Variants in PTPN3 observed in about 807,000 individuals in gnomAD.
The protein encoded by PTPN3 is protein tyrosine phosphatase non-receptor type 3, also known as tyrosine-protein phosphatase non-receptor type 3.
PTPN3 carries 96 observed loss-of-function variants against 132.7 expected under a neutral mutation model. The observed-to-expected ratio is 0.72, with a 90% CI of 0.61 to 0.86. The LOEUF is 0.86. PTPN3 is among the 40% of genes least tolerant of loss of function. PTPN3 has a pLI of 0.00. For synonymous variants in PTPN3, 398 were observed against 429.0 expected, an observed-to-expected ratio of 0.93 and a Z score of 0.89; for missense variants, 1,125 against 1,159.6, an observed-to-expected ratio of 0.97 and a Z score of 0.43.
At chr9:109,490,519 C>T (rs994753567) in intron 1 of PTPN3, among the ~76,000 whole-genome samples, 18 of 152,176 alleles carry the variant, frequency 1.2e-4, no homozygotes, top group Non-Finnish European at 2.4e-4. Flanking sequence ...GGGCGGATCA[C>T]CTGAGGTCGG....
At chr9:109,451,486 C>T in intron 5 of PTPN3, 1 of 851,952 alleles carries the variant, frequency 1.2e-6, no homozygotes, top group Non-Finnish European at 1.4e-6. Context: ...AAATCTGCCT[C>T]CCTGTAGCCT....
the PTPN3 span, among the ~76,000 whole-genome samples, chr9:109,515,564 C>A: frequency 6.6e-6 from 1 of 152,174 alleles, no homozygotes; most frequent in African/African-American, 2.4e-5. Flanking sequence ...AAAGGAATAC[C>A]TGAGACTGGG....
chr9:109,414,153 A>G (rs1398903353), intron 14 of PTPN3, among the ~76,000 whole-genome samples: 3 of 152,200 alleles, frequency 2.0e-5, no homozygotes, highest in African/African-American at 7.2e-5. Context: ...ACCCGAGGTG[A>G]TTGGGTGAGT....
At chr9:109,414,278 AGGAACCAGCTGGGGTCCTGCTGAAT>A (rs1227384001) in intron 14 of PTPN3, among the ~76,000 whole-genome samples, 1 of 152,252 alleles carries the variant, frequency 6.6e-6, no homozygotes, top group Non-Finnish European at 1.5e-5. Context: ...TGCTGTGCAC[AGGAACCAGCTGGGGTCCTGCTGAAT>A]GCAGAGTATG....
At chr9:109,428,921 T>C in intron 10 of PTPN3, 1 of 985,414 alleles carries the variant, frequency 1.0e-6, no homozygotes, top group Non-Finnish European at 1.2e-6. Context: ...AGCTTTTAAA[T>C]AACAAGAAAC....
chr9:109,392,949 A>G (rs1166097488), intron 19 of PTPN3: 1 of 152,216 alleles, frequency 6.6e-6, no homozygotes, highest in Non-Finnish European at 1.5e-5. Context: ...TAAGTGTCCT[A>G]AAAGAAGATA....
chr9:109,423,003 C>A (rs1239503728), intron 12 of PTPN3, 151 bp from the exon 13 acceptor site: 3 of 946,918 alleles, frequency 3.2e-6, no homozygotes, highest in Non-Finnish European at 4.7e-6. Context: ...AGCTCAAAAG[C>A]GATTCCTGTC....
intron 1 of PTPN3, among the ~76,000 whole-genome samples, chr9:109,476,972 T>C (rs1415079251): frequency 6.6e-6 from 1 of 152,202 alleles, no homozygotes; most frequent in Non-Finnish European, 1.5e-5. Flanking sequence ...CTGATTGATT[T>C]TGACTGGGCC....
chr9:109,431,958 C>G (rs1378829174), intron 10 of PTPN3, among the ~76,000 whole-genome samples: 1 of 151,372 alleles, frequency 6.6e-6, no homozygotes, highest in Non-Finnish European at 1.5e-5. Context: ...AGGACTTGGA[C>G]ACAGTAAGCA....
the PTPN3 span, among the ~76,000 whole-genome samples, chr9:109,528,590 C>G: frequency 1.3e-5 from 2 of 152,082 alleles, no homozygotes; most frequent in South Asian, 2.1e-4. Context: ...GGGAAAGAAG[C>G]CTTTGGGAGG....
chr9:109,405,246 G>A (rs1841468672), intron 18 of PTPN3, among the ~76,000 whole-genome samples: 1 of 152,194 alleles, frequency 6.6e-6, no homozygotes. Context: ...ACCTTGCACA[G>A]GTGGGGAACC....
intron 22 of PTPN3, 70 bp downstream of exon 22, chr9:109,389,163 G>T (rs575459630): frequency 1.3e-6 from 2 of 1,565,388 alleles, no homozygotes; most frequent in African/African-American, 1.4e-5. Flanking sequence ...CCTTCTCAGC[G>T]CTGAGATTCA....
intron 5 of PTPN3, 47 bp from the exon 6 acceptor site, chr9:109,448,902 CAA>C (rs35966698): frequency 0.02 from 24,776 of 1,227,422 alleles, no homozygotes; most frequent in East Asian, 0.047. Context: ...CTGAAATAAG[CAA>C]AAAAAAAAAA....
intron 4 of PTPN3, among the ~76,000 whole-genome samples, chr9:109,456,811 A>C (rs936544760): frequency 6.7e-6 from 1 of 149,090 alleles, no homozygotes; most frequent in Non-Finnish European, 1.5e-5. Context: ...GGAAAGTATG[A>C]GGTGTTTGTG....
chr9:109,495,756 G>A (rs892321335), intron 1 of PTPN3, among the ~76,000 whole-genome samples: 4 of 152,218 alleles, frequency 2.6e-5, no homozygotes, highest in Admixed American at 2.0e-4. Context: ...GAATGAGAAT[G>A]CTTAAAACTA....
intron 14 of PTPN3, among the ~76,000 whole-genome samples, chr9:109,418,779 T>C (rs780321157): frequency 5.9e-5 from 9 of 152,190 alleles, no homozygotes; most frequent in Non-Finnish European, 1.0e-4. Flanking sequence ...TAAATCTGAA[T>C]AGACAACTGG....
At chr9:109,401,720 C>A (rs1841126089) in intron 19 of PTPN3, among the ~76,000 whole-genome samples, 1 of 152,162 alleles carries the variant, frequency 6.6e-6, no homozygotes, top group Non-Finnish European at 1.5e-5. Flanking sequence ...TGCCCAGGAT[C>A]TGCACTGCGC....
the PTPN3 span, among the ~76,000 whole-genome samples, chr9:109,506,908 T>A: frequency 1.2e-4 from 19 of 152,254 alleles, no homozygotes; most frequent in Non-Finnish European, 2.4e-4. Flanking sequence ...CAGTCTGAAT[T>A]TTCTACCATG....
At position 109,406,629 on chromosome 9, in the gene PTPN3, G is replaced by C. The variant is rs1841589473; in HGVS notation, c.1636-11C>G. The C allele has an allele frequency of 3.1e-6, 5 of 1,613,458 alleles. No homozygotes were observed. Among genetic ancestry groups the C allele is most frequent in the South Asian group, 2.2e-5 (2 of 91,016 alleles). On this transcript the variant is annotated splice_polypyrimidine_tract_variant and intron_variant, in intron 17 of 25. Transcript: ENST00000374541. ...AATGCAGGTGTCCGCCTGGGTGGTGGGGAAAAGCGAGTTTCTCCTGTTACC... is the reference window on the plus strand; with the variant it reads ...AATGCAGGTGTCCGCCTGGGTGGTGCGGAAAAGCGAGTTTCTCCTGTTACC...
Sources: gnomAD v4.1 joint callset for allele counts (sites outside exome capture counted in the v4.1 genomes callset) on GRCh38, gnomAD v4.1.1 for gene constraint, MANE v1.5 for transcripts, NCBI Gene and HGNC (gene_info 2026-07-23, HGNC 2026-07-21) for gene names.